Variants in PTPRD observed in about 807,000 individuals in gnomAD.
PTPRD encodes the protein receptor-type tyrosine-protein phosphatase delta.
A neutral mutation model predicts 214.5 loss-of-function variants in PTPRD; 34 were observed. That is an observed-to-expected ratio of 0.16 (90% CI 0.12 to 0.21). PTPRD has a LOEUF of 0.21. PTPRD is among the 10% of genes least tolerant of loss of function. The pLI is 1.00. For missense variants in PTPRD, 2,545 were observed against 2,398.7 expected, an observed-to-expected ratio of 1.06 and a Z score of -1.27; for synonymous variants, 1,128 against 845.7, an observed-to-expected ratio of 1.33 and a Z score of -5.79.
At chr9:9,010,861 G>C (rs1404343149) in intron 11 of PTPRD, among the ~76,000 whole-genome samples, 2 of 152,070 alleles carry the variant, frequency 1.3e-5, no homozygotes, top group South Asian at 4.1e-4. Flanking sequence ...ATGTGAGATG[G>C]GCTAGTGATT....
chr9:9,871,099 G>A (rs2153712337), intron 5 of PTPRD, among the ~76,000 whole-genome samples: 1 of 152,190 alleles, frequency 6.6e-6, no homozygotes, highest in East Asian at 1.9e-4. Flanking sequence ...ATTTTGTACA[G>A]ATACTAATGG....
chr9:9,833,633 T>C (rs1188671452), intron 5 of PTPRD, among the ~76,000 whole-genome samples: 4 of 104,184 alleles, frequency 3.8e-5, no homozygotes, highest in African/African-American at 1.7e-4. Context: ...GAGACTGGAG[T>C]TTATTTCACC....
chr9:8,624,733 C>T (rs759078132), intron 14 of PTPRD, among the ~76,000 whole-genome samples: 17 of 151,760 alleles, frequency 1.1e-4, no homozygotes, highest in Non-Finnish European at 2.4e-4. Flanking sequence ...TAAACCTATA[C>T]AGTTAGGAAG....
chr9:8,376,395 A>G (rs2083261784), intron 38 of PTPRD, among the ~76,000 whole-genome samples: 1 of 152,066 alleles, frequency 6.6e-6, no homozygotes, highest in Non-Finnish European at 1.5e-5. Context: ...CATTGGCTGA[A>G]ACTTTCATTT....
At chr9:9,452,880 T>A (rs963043533) in intron 8 of PTPRD, among the ~76,000 whole-genome samples, 1 of 151,580 alleles carries the variant, frequency 6.6e-6, no homozygotes. Flanking sequence ...CTCAAGCTCT[T>A]GAGATAAATC....
intron 12 of PTPRD, among the ~76,000 whole-genome samples, chr9:8,728,996 AT>A (rs367764355): frequency 6.6e-6 from 1 of 152,044 alleles, no homozygotes; most frequent in East Asian, 1.9e-4. Context: ...TAAAAAATGT[AT>A]TTTTTTCCTG....
intron 2 of PTPRD, among the ~76,000 whole-genome samples, chr9:10,452,989 A>C (rs1038921446): frequency 6.6e-6 from 1 of 151,488 alleles, no homozygotes; most frequent in Non-Finnish European, 1.5e-5. Flanking sequence ...ATCCATTTTG[A>C]GTTGATTTTT....
chr9:9,985,878 C>G (rs988549533), intron 4 of PTPRD, among the ~76,000 whole-genome samples: 9 of 151,888 alleles, frequency 5.9e-5, no homozygotes, highest in African/African-American at 1.9e-4. Flanking sequence ...AACACTGGGT[C>G]AGAACAAGGA....
intron 3 of PTPRD, among the ~76,000 whole-genome samples, chr9:10,262,344 A>G (rs927730626): frequency 6.6e-6 from 1 of 152,192 alleles, no homozygotes; most frequent in Non-Finnish European, 1.5e-5. Flanking sequence ...ACAATACCTT[A>G]CAGAGTGCAT....
intron 16 of PTPRD, 109 bp from the exon 17 acceptor site, chr9:8,526,753 T>C: frequency 1.2e-6 from 1 of 850,794 alleles, no homozygotes. Context: ...CAGAATTAAA[T>C]AAGGTCTTAA....
intron 5 of PTPRD, among the ~76,000 whole-genome samples, chr9:9,877,521 G>A (rs980614677): frequency 1.3e-5 from 2 of 152,130 alleles, no homozygotes; most frequent in African/African-American, 4.8e-5. Flanking sequence ...TGACTCCTAT[G>A]ATCAAAGTGA....
At chr9:8,418,509 T>C (rs1158417614) in intron 35 of PTPRD, among the ~76,000 whole-genome samples, 3 of 152,178 alleles carry the variant, frequency 2.0e-5, no homozygotes, top group African/African-American at 7.2e-5. Flanking sequence ...CTGTCTGGTA[T>C]ATATCTGTGT....
intron 3 of PTPRD, among the ~76,000 whole-genome samples, chr9:10,316,796 C>G (rs1476295745): frequency 6.6e-6 from 1 of 151,722 alleles, no homozygotes; most frequent in East Asian, 1.9e-4. Context: ...GCATTGCAGC[C>G]AGAATGCTTT....
intron 11 of PTPRD, among the ~76,000 whole-genome samples, chr9:8,974,184 T>G (rs1346167744): frequency 6.6e-6 from 1 of 152,130 alleles, no homozygotes; most frequent in Non-Finnish European, 1.5e-5. Flanking sequence ...GTTCGAGGTC[T>G]TACATTTAAA....
intron 20 of PTPRD, 123 bp downstream of exon 20, chr9:8,521,154 A>G (rs1400196845): frequency 1.7e-6 from 2 of 1,161,600 alleles, no homozygotes; most frequent in South Asian, 3.2e-5. Flanking sequence ...TGATTAGGTT[A>G]TACACACATT....
intron 35 of PTPRD, among the ~76,000 whole-genome samples, chr9:8,418,465 C>A (rs1288334110): frequency 6.6e-6 from 1 of 152,040 alleles, no homozygotes; most frequent in Non-Finnish European, 1.5e-5. Flanking sequence ...TTCTTTATTT[C>A]CCCAACTCTA....
intron 11 of PTPRD, among the ~76,000 whole-genome samples, chr9:8,791,346 C>CTCCT (rs964527770): frequency 4.0e-5 from 6 of 151,862 alleles, no homozygotes; most frequent in African/African-American, 1.4e-4. Context: ...CTGCCTTAGC[C>CTCCT]TCCTGAGTAG....
chr9:9,873,705 T>G (rs2066091520), intron 5 of PTPRD, among the ~76,000 whole-genome samples: 1 of 152,174 alleles, frequency 6.6e-6, no homozygotes, highest in Non-Finnish European at 1.5e-5. Flanking sequence ...TGCTCCAAAC[T>G]GAGATAATAA....
chr9:10,204,078 T>C (rs2099451381), intron 3 of PTPRD, among the ~76,000 whole-genome samples: 1 of 152,180 alleles, frequency 6.6e-6, no homozygotes, highest in African/African-American at 2.4e-5. Context: ...CTTGTGCCAT[T>C]GCTGCTAAAT....
Sources: allele counts gnomAD v4.1 joint callset (sites outside exome capture counted in the v4.1 genomes callset), GRCh38; gene constraint gnomAD v4.1.1; transcripts MANE v1.5; gene names NCBI Gene and HGNC (gene_info 2026-07-23, HGNC 2026-07-21).